SEMA6D: variants seen among roughly 807,000 people sequenced by gnomAD.
SEMA6D encodes the protein semaphorin 6D, also known as semaphorin-6D.
SEMA6D carries 35 observed loss-of-function variants against 106.6 expected under a neutral mutation model. That is an observed-to-expected ratio of 0.33 (90% CI 0.25 to 0.44). SEMA6D has a LOEUF of 0.44. Among genes scored for constraint, SEMA6D ranks in the 20% least tolerant of loss-of-function variants. The pLI is 1.00. For missense variants in SEMA6D, 1,185 were observed against 1,345.9 expected, an observed-to-expected ratio of 0.88 and a Z score of 1.87; for synonymous variants, 499 against 487.7, an observed-to-expected ratio of 1.02 and a Z score of -0.31.
chr15:47,280,056 A>G (rs997569856), intron 1 of SEMA6D, among the ~76,000 whole-genome samples: 1 of 151,332 alleles, frequency 6.6e-6, no homozygotes, highest in African/African-American at 2.4e-5. Flanking sequence ...TGAGTTAGGG[A>G]GGATTCCCTC....
intron 3 of SEMA6D, among the ~76,000 whole-genome samples, chr15:47,526,142 T>C (rs572414473): frequency 4.9e-4 from 75 of 152,304 alleles, no homozygotes; most frequent in Non-Finnish European, 9.4e-4. Flanking sequence ...TCATTTTCAT[T>C]CTTGTTGCTT....
intron 1 of SEMA6D, among the ~76,000 whole-genome samples, chr15:47,294,240 CT>C (rs906152450): frequency 1.1e-4 from 16 of 148,242 alleles, no homozygotes; most frequent in African/African-American, 3.9e-4. Flanking sequence ...CTCTCTCTCT[CT>C]TTTTTTTTTC....
chr15:47,517,189 T>TTG (rs1368229027), intron 3 of SEMA6D, among the ~76,000 whole-genome samples: 1 of 152,142 alleles, frequency 6.6e-6, no homozygotes, highest in Non-Finnish European at 1.5e-5. Flanking sequence ...TGAGAGGCAG[T>TTG]TGTATGGCTG....
At chr15:47,284,166 G>A (rs537738777) in intron 1 of SEMA6D, among the ~76,000 whole-genome samples, 268 of 152,288 alleles carry the variant, frequency 1.8e-3, no homozygotes, top group South Asian at 5.6e-3. Context: ...TAAGCAAGAG[G>A]CATATCTCAA....
intron 1 of SEMA6D, among the ~76,000 whole-genome samples, chr15:47,329,323 C>G (rs2144023554): frequency 6.6e-6 from 1 of 152,274 alleles, no homozygotes; most frequent in East Asian, 1.9e-4. Flanking sequence ...ATTTTCTTAA[C>G]CTGTTCACTA....
At chr15:47,426,863 G>A (rs910732939) in intron 2 of SEMA6D, among the ~76,000 whole-genome samples, 15 of 152,178 alleles carry the variant, frequency 9.9e-5, no homozygotes, top group African/African-American at 3.4e-4. Context: ...AAATTACACA[G>A]TTTTTGTCTG....
At chr15:47,691,809 A>G (rs1596649358) in intron 4 of SEMA6D, among the ~76,000 whole-genome samples, 2 of 151,830 alleles carry the variant, frequency 1.3e-5, no homozygotes, top group Admixed American at 6.6e-5. Context: ...TTATAGTCCC[A>G]GCCCTCATGG....
At chr15:47,378,107 G>A (rs1000146792) in intron 1 of SEMA6D, among the ~76,000 whole-genome samples, 9 of 152,176 alleles carry the variant, frequency 5.9e-5, no homozygotes, top group African/African-American at 2.2e-4. Context: ...TAGAAGCAGT[G>A]TCCTTAGCAA....
At chr15:47,579,735 C>T (rs1489327168) in intron 3 of SEMA6D, among the ~76,000 whole-genome samples, 6 of 152,110 alleles carry the variant, frequency 3.9e-5, no homozygotes, top group African/African-American at 9.7e-5. Flanking sequence ...TTATCCTGTA[C>T]TCCAATCTAG....
At chr15:47,658,940 G>C (rs894733433) in intron 4 of SEMA6D, among the ~76,000 whole-genome samples, 9 of 151,862 alleles carry the variant, frequency 5.9e-5, no homozygotes, top group African/African-American at 2.2e-4. Context: ...AAATGGTAAA[G>C]AATGTGCTTA....
chr15:47,403,862 T>C (rs1200226815), intron 1 of SEMA6D, among the ~76,000 whole-genome samples: 4 of 152,208 alleles, frequency 2.6e-5, no homozygotes, highest in Non-Finnish European at 4.4e-5. Flanking sequence ...TTCTGGAGTT[T>C]GCAAGATGAT....
chr15:47,481,171 G>A (rs945663514), intron 3 of SEMA6D, among the ~76,000 whole-genome samples: 1 of 152,078 alleles, frequency 6.6e-6, no homozygotes, highest in African/African-American at 2.4e-5. Context: ...TTTCTTGGTA[G>A]TGTTGGAGAG....
chr15:47,406,020 C>T (rs1184993770), intron 1 of SEMA6D, among the ~76,000 whole-genome samples: 1 of 152,204 alleles, frequency 6.6e-6, no homozygotes, highest in Non-Finnish European at 1.5e-5. Flanking sequence ...GAGAACTGCT[C>T]TTTGAAAGGA....
chr15:47,358,138 C>T (rs1412719714), intron 1 of SEMA6D, among the ~76,000 whole-genome samples: 1 of 152,114 alleles, frequency 6.6e-6, no homozygotes, highest in Non-Finnish European at 1.5e-5. Context: ...ATGCTGTTCC[C>T]CAAACTCTTC....
At chr15:47,512,978 C>T (rs1182715650) in intron 3 of SEMA6D, among the ~76,000 whole-genome samples, 1 of 152,152 alleles carries the variant, frequency 6.6e-6, no homozygotes, top group Non-Finnish European at 1.5e-5. Flanking sequence ...TAACAGATAC[C>T]TTTTGCACTG....
rs572056799 is a variant in SEMA6D at position 47,619,957 on chromosome 15, C to T, written c.-55+19061C>T. On this transcript the variant is annotated intron_variant, in intron 4 of 19. Coordinates refer to the SEMA6D transcript ENST00000558014. ...TTTTATTATTTTAATTGATTTTTGT[C>T]TCCCTATTCACATTACATCTGCTGT... 2.0e-5 allele frequency among the ~76,000 whole-genome samples: 3 copies of T among 152,228 alleles called. No homozygotes were observed. The South Asian group carries it at 6.2e-4, about 32-fold the overall frequency.
chr15:47,571,667 T>G (rs187677707), intron 3 of SEMA6D, among the ~76,000 whole-genome samples: 27 of 152,352 alleles, frequency 1.8e-4, no homozygotes, highest in Admixed American at 9.8e-4. Context: ...CAGCTGTGGT[T>G]TAGGCATATT....
chr15:47,326,458 G>A (rs1367092966), intron 1 of SEMA6D, among the ~76,000 whole-genome samples: 1 of 152,214 alleles, frequency 6.6e-6, no homozygotes, highest in East Asian at 1.9e-4. Context: ...CTTGGTGTGT[G>A]AAGATCAGAA....
At chr15:47,454,901 G>C (rs1419145296) in intron 2 of SEMA6D, among the ~76,000 whole-genome samples, 1 of 151,844 alleles carries the variant, frequency 6.6e-6, no homozygotes. Flanking sequence ...TTGGCTTTAT[G>C]ATTTATTAAC....
Sources: gnomAD v4.1 joint callset for allele counts (sites outside exome capture counted in the v4.1 genomes callset) on GRCh38, gnomAD v4.1.1 for gene constraint, MANE v1.5 for transcripts, NCBI Gene and HGNC (gene_info 2026-07-23, HGNC 2026-07-21) for gene names.